Variants in CFAP91 observed in about 807,000 individuals in gnomAD.
CFAP91 encodes the protein cilia and flagella associated protein 91.
Under a neutral mutation model 95.9 loss-of-function variants are expected in CFAP91, and 85 were observed. That is an observed-to-expected ratio of 0.89 (90% CI 0.74 to 1.06). The LOEUF (loss-of-function observed/expected upper bound fraction) is 1.06, where lower values mean the gene tolerates loss of function less well. Among genes scored for constraint, CFAP91 ranks in the 50% least tolerant of loss-of-function variants. CFAP91 has a pLI of 0.00. For missense variants in CFAP91, 962 were observed against 943.4 expected, an observed-to-expected ratio of 1.02 and a Z score of -0.26; for synonymous variants, 335 against 327.5, an observed-to-expected ratio of 1.02 and a Z score of -0.25.
At chr3:119,755,044 C>G (rs1390066988) in intron 17 of CFAP91, among the ~76,000 whole-genome samples, 1 of 152,172 alleles carries the variant, frequency 6.6e-6, no homozygotes, top group Non-Finnish European at 1.5e-5. Context: ...CTATGCCTCT[C>G]CCACCATAGC....
chr3:119,732,377 G>T lies in CFAP91; in HGVS notation c.1102G>T (p.Ala368Ser). 1.2e-6 allele frequency: 2 copies of T among 1,612,044 alleles called. No individual in the cohort carries two copies. Among genetic ancestry groups the T allele is most frequent in the African/African-American group, 2.7e-5 (2 of 74,978 alleles). The change falls in exon 9 of 18, where the codon GCA becomes TCA. Residue 368 changes from alanine (A) to serine (S), a missense_variant. Coordinates refer to ENST00000273390, the MANE Select transcript of CFAP91 (RefSeq NM_033364.4). ...TATCATCAAGGATTATTCTGATTATGCATCACAGGTCTATGGACCTCTGTC... is the reference window on the plus strand; with the variant it reads ...TATCATCAAGGATTATTCTGATTATTCATCACAGGTCTATGGACCTCTGTC... ...RNIIKDYSDY[A>S]SQVYGPLSRL...
chr3:119,747,699 GA>G, intron 15 of CFAP91, 111 bp from the exon 16 acceptor site: 2 of 849,040 alleles, frequency 2.4e-6, no homozygotes, highest in Admixed American at 2.9e-5. Context: ...CTTAATCAAG[GA>G]AAAGGTGATG....
At chr3:119,709,719 C>T in intron 4 of CFAP91, 120 bp from the exon 5 acceptor site, 2 of 753,608 alleles carry the variant, frequency 2.7e-6, no homozygotes, top group Non-Finnish European at 4.6e-6. Context: ...TTGAGTAACA[C>T]TGATATATGG....
At chr3:119,727,960 C>T (rs2053816458) in intron 7 of CFAP91, among the ~76,000 whole-genome samples, 1 of 152,022 alleles carries the variant, frequency 6.6e-6, no homozygotes, top group Non-Finnish European at 1.5e-5. Context: ...CTGCCCCTTC[C>T]TGCCCCAGTG....
At chr3:119,749,701 AG>A (rs2054290466) in intron 16 of CFAP91, among the ~76,000 whole-genome samples, 1 of 152,154 alleles carries the variant, frequency 6.6e-6, no homozygotes, top group Non-Finnish European at 1.5e-5. Context: ...CCATATGAAC[AG>A]GGAGCACACT....
Position 119,703,069 on chromosome 3 carries a change from C to A in CFAP91, c.-30C>A. ...AGTAGCCAGGCCTGACCCGCTGGTC[C>A]CTTGCTGGCGGGAGGAAAGAGGCGG... is the stretch of plus-strand genomic sequence containing the variant. On this transcript the variant is annotated 5_prime_UTR_variant, in exon 1 of 18. Transcript: ENST00000273390. 6.5e-7 allele frequency: 1 copy of A among 1,549,748 alleles called. No individual in the cohort carries two copies.
In CFAP91 at chr3:119,727,084, T is replaced by C. The variant is rs114348205; in HGVS notation, c.860+736T>C. ...TGAGAACCAAAAAATTATAACTCTC[T>C]AGCAAGAACAAAGGAAGGGCGTTTG... is the stretch of plus-strand genomic sequence containing the variant. On this transcript the variant is annotated intron_variant, in intron 7 of 17. Transcript: ENST00000273390. Among the ~76,000 whole-genome samples, 860 of 152,314 alleles carry C rather than the reference T, an allele frequency of 5.6e-3. 6 individuals are homozygous for C. Among genetic ancestry groups the C allele is most frequent in the African/African-American group, 0.019 (806 of 41,558 alleles).
At chr3:119,750,794 C>A (rs1342966742) in intron 16 of CFAP91, 143 bp from the exon 17 acceptor site, 2 of 839,188 alleles carry the variant, frequency 2.4e-6, no homozygotes, top group East Asian at 2.7e-5. Flanking sequence ...AGAGTGGGAA[C>A]AGAGGGAGCA....
intron 8 of CFAP91, among the ~76,000 whole-genome samples, chr3:119,731,738 A>G (rs2053901843): frequency 6.6e-6 from 1 of 152,206 alleles, no homozygotes; most frequent in South Asian, 2.1e-4. Flanking sequence ...ATTTGAGAGA[A>G]AAGGAGCACA....
Position 119,747,211 on chromosome 3 carries a change from A to C in CFAP91, c.1999A>C (p.Ile667Leu). 1 of 1,613,952 alleles carries C rather than the reference A, an allele frequency of 6.2e-7. No individual in the cohort carries two copies. The highest frequency in any genetic ancestry group is 8.5e-7 in the Non-Finnish European group (1 of 1,179,864). The change falls in exon 15 of 18, where the codon ATA becomes CTA. Residue 667 changes from isoleucine (I) to leucine (L), a missense_variant. Ile to Leu is a conservative substitution (Grantham distance 5). Transcript: ENST00000273390. Reference protein sequence around the residue: ...NTAEEQARAEIEKMAEKINDI... With the variant: ...NTAEEQARAELEKMAEKINDI... The stretch of plus-strand genomic sequence containing the variant: ...TGCAGAAGAACAAGCCAGGGCAGAA[A>C]TAGAGAAGATGGCTGAGAAAATCAA...
rs140566021 is a variant in CFAP91 at position 119,710,962 on chromosome 3, A to C, written c.500+1067A>C. Among the ~76,000 whole-genome samples, 705 of 152,348 alleles carry C rather than the reference A, an allele frequency of 4.6e-3. 4 individuals are homozygous for C. The highest frequency in any genetic ancestry group is 0.016 in the African/African-American group (657 of 41,574). ...CTCTTTCCTCTGTTAATATAATTTA[A>C]TATTTCTGTAAGAGAAAAAAGTCTA... On this transcript the variant is annotated intron_variant, in intron 5 of 17. Transcript: ENST00000273390.
At chr3:119,755,194 G>T (rs991748134) in intron 17 of CFAP91, among the ~76,000 whole-genome samples, 1 of 152,172 alleles carries the variant, frequency 6.6e-6, no homozygotes. Flanking sequence ...AGACTTTAGA[G>T]TTGACATGGG....
intron 6 of CFAP91, among the ~76,000 whole-genome samples, chr3:119,725,590 C>A (rs751349891): frequency 6.6e-6 from 1 of 151,496 alleles, no homozygotes; most frequent in Non-Finnish European, 1.5e-5. Context: ...CTTGTCTCTA[C>A]AAAAAAATAA....
intron 15 of CFAP91, 70 bp from the exon 16 acceptor site, chr3:119,747,741 A>G (rs1027389942): frequency 7.8e-7 from 1 of 1,281,930 alleles, no homozygotes; most frequent in African/African-American, 1.5e-5. Context: ...CTTACACAGC[A>G]GGAAAGCATA....
Position 119,726,325 on chromosome 3 carries a change from CT to C in CFAP91, c.839del (p.Phe280SerfsTer17). The C allele has an allele frequency of 6.2e-7, 1 of 1,612,812 alleles. No individual in the cohort carries two copies. The highest frequency in any genetic ancestry group is 8.5e-7 in the Non-Finnish European group (1 of 1,179,530). On this transcript the variant is annotated frameshift_variant, in exon 7 of 18. Transcript: ENST00000273390. LOFTEE classifies it high-confidence loss of function. ...ATGAAATGGAGAGGAAGGAGTGGGC[CT>C]TCAGAGAGCAGGAGATTGAAAAGTA... ...MNEMERKEWA[F>X]REQEIEKLQE...
At chr3:119,720,759 C>T (rs1161358043) in intron 6 of CFAP91, among the ~76,000 whole-genome samples, 1 of 152,182 alleles carries the variant, frequency 6.6e-6, no homozygotes, top group African/African-American at 2.4e-5. Context: ...CCCTCCAACC[C>T]TACCAAGATT....
chr3:119,729,643 C>T (rs1257376125), intron 7 of CFAP91, among the ~76,000 whole-genome samples: 1 of 110,446 alleles, frequency 9.1e-6, no homozygotes, highest in African/African-American at 3.4e-5. Context: ...GACTCTGTCT[C>T]AAAAAAAAAA....
chr3:119,727,130 A>T (rs1339352985), intron 7 of CFAP91, among the ~76,000 whole-genome samples: 1 of 152,236 alleles, frequency 6.6e-6, no homozygotes, highest in Non-Finnish European at 1.5e-5. Flanking sequence ...CCTTTGTGCT[A>T]GGCTGTGCTG....
intron 1 of CFAP91, 88 bp from the exon 2 acceptor site, chr3:119,706,721 A>G (rs918759106): frequency 3.4e-5 from 34 of 1,000,862 alleles, no homozygotes; most frequent in Admixed American, 2.6e-4. Context: ...TTGTTTTCCA[A>G]TTAAGAGATT....
Sources: allele counts gnomAD v4.1 joint callset (sites outside exome capture counted in the v4.1 genomes callset), GRCh38; gene constraint gnomAD v4.1.1; transcripts MANE v1.5; gene names NCBI Gene and HGNC (gene_info 2026-07-23, HGNC 2026-07-21).